The following CNNM2 variants were observed in gnomAD, a reference collection of about 807,000 sequenced individuals.
CNNM2 encodes the protein cyclin and CBS domain divalent metal cation transport mediator 2.
In CNNM2, 12 loss-of-function variants were observed where a neutral mutation model predicts 66.9. That is an observed-to-expected ratio of 0.18 (90% confidence interval 0.11 to 0.29). The LOEUF is 0.29. CNNM2 is among the 10% of genes least tolerant of loss of function. CNNM2 has a pLI of 1.00. For synonymous variants in CNNM2, 557 were observed against 501.8 expected (o/e 1.11, Z -1.47); for missense variants, 705 against 1,167.7 (o/e 0.60, Z 5.77).
chr10:103,047,716 C>G (rs1032796493), intron 1 of CNNM2, among the ~76,000 whole-genome samples: 6 of 152,136 alleles, frequency 3.9e-5, no homozygotes, highest in African/African-American at 1.4e-4. Flanking sequence ...TGTACTCGTG[C>G]ATGATTTTGT....
In CNNM2 at chr10:103,038,723, C is replaced by G. The variant is rs533384486; in HGVS notation, c.1622-10984C>G. On this transcript the variant is annotated intron_variant, in intron 1 of 7. Coordinates refer to ENST00000369878, the MANE Select transcript of CNNM2 (RefSeq NM_017649.5). Reference sequence around the variant, plus strand: ...TCATGGCTGGACTGAAGGAACTGTCCTGCTAGGGAGGTCTGGGCCGGCCAC... The same window carrying G: ...TCATGGCTGGACTGAAGGAACTGTCGTGCTAGGGAGGTCTGGGCCGGCCAC... Among the ~76,000 whole-genome samples the G allele has an allele frequency of 3.9e-5, 6 of 152,244 alleles. No individual in the cohort carries two copies. The East Asian group carries it at 1.2e-3, about 29-fold the overall frequency.
intron 1 of CNNM2, among the ~76,000 whole-genome samples, chr10:103,049,311 T>C (rs931106292): frequency 1.3e-5 from 2 of 152,230 alleles, no homozygotes; most frequent in African/African-American, 4.8e-5. Flanking sequence ...CAATAGCATC[T>C]TAGTATTCTT....
chr10:103,066,902 T>C (rs2134357150), intron 4 of CNNM2, among the ~76,000 whole-genome samples: 1 of 152,232 alleles, frequency 6.6e-6, no homozygotes, highest in Middle Eastern at 3.4e-3. Context: ...CATTTGCAGG[T>C]GGATTTTATA....
rs546938109 is a variant in CNNM2 at position 102,956,956 on chromosome 10, C to T, written c.1621+36855C>T. On this transcript the variant is annotated intron_variant, in intron 1 of 7. Transcript: ENST00000369878. ...ATGTAACAAACCTGCACGTTGTGCACGTGTACCCTAGAACTTAAAAGTATA... is the reference window on the plus strand; with the variant it reads ...ATGTAACAAACCTGCACGTTGTGCATGTGTACCCTAGAACTTAAAAGTATA... Among the ~76,000 whole-genome samples the T allele has an allele frequency of 3.9e-5, 6 of 152,210 alleles. No homozygotes were observed. In the East Asian group the frequency reaches 7.7e-4, roughly 20 times the overall value.
At chr10:103,016,945 G>A (rs1247751021) in intron 1 of CNNM2, among the ~76,000 whole-genome samples, 1 of 151,358 alleles carries the variant, frequency 6.6e-6, no homozygotes, top group African/African-American at 2.4e-5. Context: ...TTTTTTTTTG[G>A]GCGGGGGGTA....
chr10:103,077,140 G>A lies in CNNM2; in HGVS notation c.2588G>A (p.Ser863Asn). ...LLNEQNCVTH[S>N]KANHSLHNEG... ...AACGAACAGAACTGTGTGACGCACA[G>A]TAAGGCCAACCACAGCCTGCACAAC... Residue 863 changes from serine (S) to asparagine (N), a missense_variant, in exon 8 of 8, where the codon AGT becomes AAT. Coordinates refer to ENST00000369878, the MANE Select transcript of CNNM2 (RefSeq NM_017649.5). The A allele has an allele frequency of 6.2e-7, 1 of 1,613,856 alleles. No homozygotes were observed. The highest frequency in any genetic ancestry group is 1.1e-5 in the South Asian group (1 of 91,078).
rs750633463 is a variant in CNNM2 at position 102,919,106 on chromosome 10, G to A, written c.626G>A (p.Gly209Asp). Reference sequence around the variant, plus strand: ...GGCGCCGGCGGCTCGGGGTCCACGGGTGGCGCCGTCGGGGGCAAGGGTGGC... The same window carrying A: ...GGCGCCGGCGGCTCGGGGTCCACGGATGGCGCCGTCGGGGGCAAGGGTGGC... ...ALGAGGSGSTGGAVGGKGGSG... is the reference protein window; with the variant it reads ...ALGAGGSGSTDGAVGGKGGSG... The change falls in exon 1 of 8, where the codon GGT becomes GAT. Residue 209 changes from glycine to aspartate, a missense_variant. Transcript: ENST00000369878. The A allele has an allele frequency of 2.0e-5, 33 of 1,610,894 alleles. No individual in the cohort carries two copies. The highest frequency in any genetic ancestry group is 2.7e-5 in the Non-Finnish European group (32 of 1,179,062).
intron 1 of CNNM2, among the ~76,000 whole-genome samples, chr10:102,998,340 A>G (rs1026473662): frequency 6.6e-6 from 1 of 152,252 alleles, no homozygotes; most frequent in Admixed American, 6.5e-5. Context: ...ATCAATATGC[A>G]TAATTGACAG....
intron 1 of CNNM2, among the ~76,000 whole-genome samples, chr10:102,975,476 A>AAAAAC (rs2063613531): frequency 6.7e-6 from 1 of 148,150 alleles, no homozygotes; most frequent in African/African-American, 2.5e-5. Context: ...TTAGAAAAAA[A>AAAAAC]AAAAAAAAAA....
intron 1 of CNNM2, among the ~76,000 whole-genome samples, chr10:102,948,443 T>G (rs1473437468): frequency 2.0e-5 from 3 of 152,092 alleles, no homozygotes; most frequent in Non-Finnish European, 1.5e-5. Flanking sequence ...GAGGTAACAT[T>G]GTACACTCAA....
intron 1 of CNNM2, among the ~76,000 whole-genome samples, chr10:102,941,387 C>A (rs149670385): frequency 6.6e-6 from 1 of 152,082 alleles, no homozygotes; most frequent in Non-Finnish European, 1.5e-5. Flanking sequence ...GGATTACAGG[C>A]GTGAGCCACT....
chr10:103,025,029 G>T (rs753678512), intron 1 of CNNM2, among the ~76,000 whole-genome samples: 6 of 152,162 alleles, frequency 3.9e-5, no homozygotes, highest in African/African-American at 7.2e-5. Context: ...CACTACTAAT[G>T]ATTTTAAATT....
At chr10:103,067,021 G>T (rs2065490515) in intron 4 of CNNM2, among the ~76,000 whole-genome samples, 1 of 152,166 alleles carries the variant, frequency 6.6e-6, no homozygotes, top group Non-Finnish European at 1.5e-5. Context: ...TTCTCCTGAA[G>T]CTATGGCCCA....
At chr10:103,031,404 G>C (rs2134301818) in intron 1 of CNNM2, among the ~76,000 whole-genome samples, 1 of 152,268 alleles carries the variant, frequency 6.6e-6, no homozygotes, top group Non-Finnish European at 1.5e-5. Flanking sequence ...TGTGGTTGCA[G>C]TCACTTTGAT....
intron 1 of CNNM2, among the ~76,000 whole-genome samples, chr10:102,983,207 GTT>G (rs1019849632): frequency 7.1e-4 from 107 of 151,240 alleles, no homozygotes; most frequent in African/African-American, 2.3e-3. Context: ...TTAATGACAA[GTT>G]TTTTTGTGTT....
intron 7 of CNNM2, among the ~76,000 whole-genome samples, chr10:103,076,489 C>G (rs1255950354): frequency 6.6e-6 from 1 of 152,180 alleles, no homozygotes; most frequent in Non-Finnish European, 1.5e-5. Flanking sequence ...CAATGAGCTG[C>G]CAAATCAAAT....
intron 5 of CNNM2, among the ~76,000 whole-genome samples, chr10:103,070,577 C>T (rs1054976946): frequency 7.9e-5 from 12 of 152,096 alleles, no homozygotes; most frequent in Non-Finnish European, 1.8e-4. Context: ...ACATTTCTAC[C>T]AATTACTGGT....
At chr10:102,994,831 T>G (rs74156607) in intron 1 of CNNM2, among the ~76,000 whole-genome samples, 38 of 152,384 alleles carry the variant, frequency 2.5e-4, no homozygotes, top group African/African-American at 8.7e-4. Flanking sequence ...GAACTAGGTC[T>G]TCAGTTTCTC....
intron 1 of CNNM2, among the ~76,000 whole-genome samples, chr10:103,022,766 G>A (rs2064611834): frequency 6.6e-6 from 1 of 152,166 alleles, no homozygotes; most frequent in African/African-American, 2.4e-5. Flanking sequence ...GGTTCTGCAG[G>A]CTGTACAGGA....
Sources: gnomAD v4.1 joint callset for allele counts (sites outside exome capture counted in the v4.1 genomes callset) on GRCh38, gnomAD v4.1.1 for gene constraint, MANE v1.5 for transcripts, NCBI Gene and HGNC (gene_info 2026-07-23, HGNC 2026-07-21) for gene names.